The following EGFLAM variants were observed in gnomAD, a reference collection of about 807,000 sequenced individuals.
The protein encoded by EGFLAM is EGF like, fibronectin type III and laminin G domains.
EGFLAM carries 79 observed loss-of-function variants against 113.1 expected under a neutral mutation model. The observed-to-expected ratio is 0.70, with a 90% CI of 0.58 to 0.84. The LOEUF (loss-of-function observed/expected upper bound fraction) is 0.84. Ranked by LOEUF, EGFLAM falls within the 40% of genes least tolerant of loss-of-function variation. The pLI is 0.00. For missense variants in EGFLAM, 1,265 were observed against 1,291.6 expected (o/e 0.98, Z 0.32); for synonymous variants, 504 against 487.6 (o/e 1.03, Z -0.44).
intron 1 of EGFLAM, among the ~76,000 whole-genome samples, chr5:38,313,657 G>A (rs1166920435): frequency 6.6e-6 from 1 of 152,022 alleles, no homozygotes; most frequent in Non-Finnish European, 1.5e-5. Flanking sequence ...TATAGAACTG[G>A]ATTCTACCAT....
At chr5:38,341,830 C>T (rs750579865) in intron 3 of EGFLAM, among the ~76,000 whole-genome samples, 2 of 151,872 alleles carry the variant, frequency 1.3e-5, no homozygotes, top group Non-Finnish European at 2.9e-5. Context: ...TAGTATGATT[C>T]GTATTGCAAA....
chr5:38,358,494 A>C (rs1184606785), intron 5 of EGFLAM, among the ~76,000 whole-genome samples: 2 of 150,500 alleles, frequency 1.3e-5, no homozygotes, highest in Non-Finnish European at 3.0e-5. Context: ...TTGTGAGACC[A>C]GGGTATGCTG....
intron 1 of EGFLAM, among the ~76,000 whole-genome samples, chr5:38,333,264 A>G (rs775672199): frequency 3.3e-5 from 5 of 152,074 alleles, no homozygotes; most frequent in Non-Finnish European, 7.4e-5. Context: ...ATGAACATTC[A>G]CATGCATGTG....
chr5:38,436,654 T>TC (rs923139179), intron 16 of EGFLAM, among the ~76,000 whole-genome samples: 10 of 152,164 alleles, frequency 6.6e-5, no homozygotes, highest in African/African-American at 2.4e-4. Context: ...GGCTGTGCCC[T>TC]CCCCTTCACG....
chr5:38,352,304 T>C lies in EGFLAM; in HGVS notation c.518T>C (p.Ile173Thr). The change falls in exon 5 of 22, where the codon ATT (isoleucine) becomes ACT (threonine). Residue 173 changes from isoleucine to threonine, a missense_variant. Coordinates refer to ENST00000322350, the MANE Select transcript of EGFLAM (RefSeq NM_152403.4). ...KPGASEGSAP[I>T]QYYSVEFIRP... The stretch of plus-strand genomic sequence containing the variant: ...GGAGCGAGTGAAGGAAGCGCCCCTA[T>C]TCAGTACTATTCTGTGGAATTCATC... The C allele has an allele frequency of 7.4e-6, 12 of 1,614,080 alleles. No homozygotes were observed. The highest frequency in any genetic ancestry group is 1.3e-5 in the African/African-American group (1 of 75,004).
At chr5:38,302,482 T>C (rs1031932006) in intron 1 of EGFLAM, among the ~76,000 whole-genome samples, 1 of 152,092 alleles carries the variant, frequency 6.6e-6, no homozygotes, top group Non-Finnish European at 1.5e-5. Context: ...CATAAGATCA[T>C]TATAAGAATT....
intron 10 of EGFLAM, among the ~76,000 whole-genome samples, chr5:38,410,491 G>A (rs1379401853): frequency 2.0e-5 from 3 of 152,188 alleles, no homozygotes; most frequent in Non-Finnish European, 4.4e-5. Context: ...TGAGGATCTC[G>A]AGACAAAGGG....
At chr5:38,281,095 A>G (rs1326144632) in intron 1 of EGFLAM, among the ~76,000 whole-genome samples, 2 of 152,164 alleles carry the variant, frequency 1.3e-5, no homozygotes, top group Admixed American at 1.3e-4. Context: ...GACTCAATAG[A>G]AGTTCTATGA....
At chr5:38,312,519 C>T (rs1044093538) in intron 1 of EGFLAM, among the ~76,000 whole-genome samples, 17 of 152,102 alleles carry the variant, frequency 1.1e-4, no homozygotes, top group African/African-American at 3.6e-4. Flanking sequence ...GGATTACAGG[C>T]GTGAGCCACC....
chr5:38,258,924 C>A, intron 1 of EGFLAM, 73 bp downstream of exon 1: 2 of 1,471,894 alleles, frequency 1.4e-6, no homozygotes, highest in Non-Finnish European at 1.8e-6. Context: ...GGACACAGAG[C>A]GGGCAGCGCA....
chr5:38,410,552 C>T (rs891141775), intron 10 of EGFLAM, among the ~76,000 whole-genome samples: 1 of 152,136 alleles, frequency 6.6e-6, no homozygotes, highest in East Asian at 1.9e-4. Flanking sequence ...AGGAAAATGC[C>T]GGCTACGACT....
chr5:38,414,207 T>G (rs1579896496), intron 11 of EGFLAM, among the ~76,000 whole-genome samples: 1 of 152,176 alleles, frequency 6.6e-6, no homozygotes, highest in Non-Finnish European at 1.5e-5. Context: ...ATTTAGTAAA[T>G]GTGAATCCAG....
chr5:38,338,569 C>T (rs1291904187), intron 2 of EGFLAM, 129 bp from the exon 3 acceptor site: 9 of 812,460 alleles, frequency 1.1e-5, no homozygotes, highest in Admixed American at 8.5e-5. Context: ...TGTGTGTTCC[C>T]GCAGAACTAG....
intron 5 of EGFLAM, among the ~76,000 whole-genome samples, chr5:38,357,498 T>C (rs1325769741): frequency 1.3e-5 from 2 of 152,214 alleles, no homozygotes; most frequent in Non-Finnish European, 2.9e-5. Flanking sequence ...TCTGCAGTTA[T>C]TTTATTTTCC....
chr5:38,401,537 G>T (rs545122384), intron 6 of EGFLAM, among the ~76,000 whole-genome samples: 6 of 152,218 alleles, frequency 3.9e-5, no homozygotes, highest in African/African-American at 1.4e-4. Context: ...GCTTCATTTG[G>T]GGGAAAAGGA....
At chr5:38,276,816 GA>G (rs901016216) in intron 1 of EGFLAM, among the ~76,000 whole-genome samples, 1 of 152,006 alleles carries the variant, frequency 6.6e-6, no homozygotes, top group Admixed American at 6.6e-5. Flanking sequence ...GGACAATCTA[GA>G]AAAAATGGAT....
chr5:38,284,023 G>C (rs1298092123), intron 1 of EGFLAM: 3 of 152,436 alleles, frequency 2.0e-5, no homozygotes, highest in Admixed American at 6.5e-5. Flanking sequence ...TGTCAGCGTA[G>C]ATGTGAAGAC....
chr5:38,412,514 G>A lies in EGFLAM; in HGVS notation c.1360G>A (p.Gly454Arg), dbSNP rs150754556. 1,870 of 1,614,156 alleles carry A rather than the reference G, an allele frequency of 1.2e-3. 19 individuals carry two copies. The highest frequency in any genetic ancestry group is 2.0e-4 in the Non-Finnish European group (233 of 1,180,030). ...RRSLQFRFNC[G>R]TGVAIIVSET... ...TTTCCTCCCCAACAGGTTTAATTGT[G>A]GAACTGGGGTTGCCATCATCGTAAG... is the stretch of plus-strand genomic sequence containing the variant. The change falls in exon 11 of 22, where the codon GGA becomes AGA. Residue 454 changes from glycine to arginine, a missense_variant. Physicochemically the swap from Gly to Arg is moderately radical, Grantham distance 125. Coordinates refer to ENST00000322350, the MANE Select transcript of EGFLAM (RefSeq NM_152403.4).
At chr5:38,383,414 CTTTT>C (rs78824068) in intron 6 of EGFLAM, among the ~76,000 whole-genome samples, 1 of 135,028 alleles carries the variant, frequency 7.4e-6, no homozygotes, top group Non-Finnish European at 1.6e-5. Context: ...TTTGTCAGGC[CTTTT>C]TTTTTTTTTT....
Sources: allele counts gnomAD v4.1 joint callset (sites outside exome capture counted in the v4.1 genomes callset), GRCh38; gene constraint gnomAD v4.1.1; transcripts MANE v1.5; gene names NCBI Gene and HGNC (gene_info 2026-07-23, HGNC 2026-07-21).